ARHGAP39: variants seen among roughly 807,000 people sequenced by gnomAD.
ARHGAP39 encodes Rho GTPase activating protein 39.
Under a neutral mutation model 106.9 loss-of-function variants are expected in ARHGAP39, and 44 were observed. The ratio of observed to expected loss-of-function variants is 0.41; its 90% confidence interval spans 0.32 to 0.53. The LOEUF (loss-of-function observed/expected upper bound fraction) is 0.53, where lower values mean the gene tolerates loss of function less well. Ranked by LOEUF, ARHGAP39 falls within the 20% of genes least tolerant of loss-of-function variation. ARHGAP39 has a pLI of 0.21. For missense variants in ARHGAP39, 1,496 were observed against 1,577.3 expected (o/e 0.95, Z 0.87); for synonymous variants, 768 against 693.2 (o/e 1.11, Z -1.69).
At chr8:144,615,584 G>A (rs1820615674) in intron 1 of ARHGAP39, among the ~76,000 whole-genome samples, 2 of 152,212 alleles carry the variant, frequency 1.3e-5, no homozygotes. Flanking sequence ...GCCCATTGTG[G>A]ATTAAATCTT....
chr8:144,579,542 TTTGCCCCACCTC>T (rs1818891130), intron 3 of ARHGAP39, among the ~76,000 whole-genome samples: 1 of 152,066 alleles, frequency 6.6e-6, no homozygotes, highest in Non-Finnish European at 1.5e-5. Flanking sequence ...CCACACCTGA[TTTGCCCCACCTC>T]CTGCCCACTC....
At position 144,594,142 on chromosome 8, in the gene ARHGAP39, T is replaced by C. The variant is rs146274393; in HGVS notation, c.80+11393A>G. ...CCCCAGTTTAAAGATGGGCAAAATA[T>C]CTGGACAGACACATCTCCAAAGAAG... is the stretch of plus-strand genomic sequence containing the variant. On this transcript the variant is annotated intron_variant, in intron 2 of 11. Transcript: ENST00000377307. Among the ~76,000 whole-genome samples, 76 of 146,118 alleles carry C rather than the reference T, an allele frequency of 5.2e-4. 1 individual carries two copies. In the East Asian group the frequency reaches 0.011, roughly 21 times the overall value.
intron 7 of ARHGAP39, among the ~76,000 whole-genome samples, chr8:144,535,594 C>T (rs1198956872): frequency 9.9e-5 from 15 of 152,236 alleles, no homozygotes; most frequent in Non-Finnish European, 2.2e-4. Flanking sequence ...GCAGCTGGGA[C>T]ATGTAGTCAC....
At chr8:144,594,329 TAC>T (rs1819516703) in intron 2 of ARHGAP39, among the ~76,000 whole-genome samples, 2 of 152,190 alleles carry the variant, frequency 1.3e-5, no homozygotes, top group Admixed American at 6.5e-5. Flanking sequence ...GGAACCTTTA[TAC>T]ACTGCTGGTG....
Position 144,594,578 on chromosome 8 carries a change from T to C in ARHGAP39, c.80+10957A>G, listed in dbSNP as rs1445873636. On this transcript the variant is annotated intron_variant, in intron 2 of 11. Transcript: ENST00000377307. ...GTATGATGGTGGGCGCCTGTAATCC[T>C]AGCTACTCGGGAGGCTGAGGAAGGA... Among the ~76,000 whole-genome samples, 4 of 151,066 alleles carry C rather than the reference T, an allele frequency of 2.6e-5. No individual in the cohort carries two copies. In the East Asian group the frequency reaches 7.8e-4, roughly 29 times the overall value.
Position 144,647,024 on chromosome 8 carries a change from A to G in ARHGAP39, c.-82+38662T>C, listed in dbSNP as rs1236339257. On this transcript the variant is annotated intron_variant, in intron 1 of 11. Transcript: ENST00000377307. This position sits in a 1 kb window ranked among gnomAD's most constrained non-coding sequence, Gnocchi z 4.8. ...TCGCTTTATAGCCAGGCTGGAGTAC[A>G]ACGACACCATCTCGGCTCACTGCAA... Among the ~76,000 whole-genome samples, 3 of 147,966 alleles carry G rather than the reference A, an allele frequency of 2.0e-5. No individual in the cohort carries two copies. The highest frequency in any genetic ancestry group is 3.0e-5 in the Non-Finnish European group (2 of 67,422).
At chr8:144,588,303 G>A (rs773255710) in intron 2 of ARHGAP39, among the ~76,000 whole-genome samples, 5 of 152,266 alleles carry the variant, frequency 3.3e-5, no homozygotes, top group South Asian at 2.1e-4. Context: ...CAGGCTGTGC[G>A]CTGCATTGAG....
At chr8:144,580,796 G>GCCCACT (rs772495470) in intron 3 of ARHGAP39, 50 bp downstream of exon 3, 1 of 192,140 alleles carries the variant, frequency 5.2e-6, no homozygotes, top group Non-Finnish European at 7.2e-6. Context: ...ACCTGGCCCC[G>GCCCACT]CCCACTCCAT....
In ARHGAP39 at chr8:144,591,256, G is replaced by A. The variant is rs559809436; in HGVS notation, c.81-9979C>T. Among the ~76,000 whole-genome samples the A allele has an allele frequency of 6.6e-5, 10 of 152,342 alleles. 1 individual carries two copies. Among genetic ancestry groups the A allele is most frequent in the African/African-American group, 2.2e-4 (9 of 41,582 alleles). On this transcript the variant is annotated intron_variant, in intron 2 of 11. Coordinates refer to ENST00000377307, the MANE Select transcript of ARHGAP39 (RefSeq NM_025251.3). The surrounding 1 kb of genome is among the most constrained non-coding windows in gnomAD (Gnocchi z 5.3). ...GCTGCTCTGTGCTCCCGTGAGCACA[G>A]ACCTGCAGGGGAGGGTGGCGCGTGT...
At chr8:144,676,815 C>CCAGAGGCCAGAGGCCAGAG (rs1822255126) in intron 1 of ARHGAP39, among the ~76,000 whole-genome samples, 1 of 152,260 alleles carries the variant, frequency 6.6e-6, no homozygotes, top group Non-Finnish European at 1.5e-5. Flanking sequence ...GAGAGAGGCC[C>CCAGAGGCCAGAGGCCAGAG]CCACAGCGCA....
At chr8:144,649,414 C>A (rs890824469) in intron 1 of ARHGAP39, among the ~76,000 whole-genome samples, 1 of 152,100 alleles carries the variant, frequency 6.6e-6, no homozygotes, top group Non-Finnish European at 1.5e-5. Context: ...CGCGCCACTG[C>A]ACTCCAGCCT....
intron 1 of ARHGAP39, among the ~76,000 whole-genome samples, chr8:144,666,226 G>T (rs1458160754): frequency 6.6e-6 from 1 of 152,150 alleles, no homozygotes; most frequent in Non-Finnish European, 1.5e-5. Context: ...TACCCCCATT[G>T]TATCTTGGAA....
rs115294219 is a variant in ARHGAP39, at chr8:144,548,995, C to T, written c.597-506G>A. On this transcript the variant is annotated intron_variant, in intron 4 of 11. Coordinates refer to ENST00000377307, the MANE Select transcript of ARHGAP39 (RefSeq NM_025251.3). This position sits in a 1 kb window ranked among gnomAD's most constrained non-coding sequence, Gnocchi z 7.4. ...CTCCAGAAAGACTGACTGTCCTCCTCTGACCCTGCCCCAGTCACCACGCTC... is the reference window on the plus strand; with the variant it reads ...CTCCAGAAAGACTGACTGTCCTCCTTTGACCCTGCCCCAGTCACCACGCTC... 0.01 allele frequency among the ~76,000 whole-genome samples: 1,581 copies of T among 152,344 alleles called. 30 individuals are homozygous for T. The highest frequency in any genetic ancestry group is 0.036 in the African/African-American group (1,506 of 41,566).
intron 2 of ARHGAP39, among the ~76,000 whole-genome samples, chr8:144,602,504 G>T (rs537677643): frequency 7.1e-6 from 1 of 139,986 alleles, no homozygotes; most frequent in Admixed American, 7.3e-5. Context: ...ATGTATCTGT[G>T]TACATGGAGG....
the ARHGAP39 span, among the ~76,000 whole-genome samples, chr8:144,694,851 C>T: frequency 6.6e-6 from 1 of 152,244 alleles, no homozygotes; most frequent in South Asian, 2.1e-4. Context: ...CACTGCAAGT[C>T]TCATGGGTGG....
intron 1 of ARHGAP39, among the ~76,000 whole-genome samples, chr8:144,669,294 C>T (rs1403689607): frequency 0.015 from 2 of 134 alleles, no homozygotes; most frequent in East Asian, 0.17. Context: ...ATCACGAGGT[C>T]AGGAGATTTT....
chr8:144,552,676 T>C (rs539995460), intron 4 of ARHGAP39, among the ~76,000 whole-genome samples: 3 of 147,900 alleles, frequency 2.0e-5, no homozygotes, highest in African/African-American at 7.9e-5. Flanking sequence ...GCTGGTGAGA[T>C]TTTTTTTTCT....
chr8:144,683,080 C>G (rs1282482984), intron 1 of ARHGAP39: 1 of 151,676 alleles, frequency 6.6e-6, no homozygotes, highest in Non-Finnish European at 1.5e-5. Context: ...CTTTGGGAGG[C>G]CGAGGCGGGC....
Position 144,670,198 on chromosome 8 carries a change from G to A in ARHGAP39, c.-82+15488C>T, listed in dbSNP as rs1745316848. Among the ~76,000 whole-genome samples, 1 of 152,162 alleles carries A rather than the reference G, an allele frequency of 6.6e-6. No homozygotes were observed. On this transcript the variant is annotated intron_variant, in intron 1 of 11. Transcript: ENST00000377307. The surrounding 1 kb of genome is among the most constrained non-coding windows in gnomAD (Gnocchi z 4.4). ...GACCAGGCGGCTGTAAAAAGCAACA[G>A]AGCTCGGACGCATGCTAGAGCGTAC...
Sources: gnomAD v4.1 joint callset for allele counts (sites outside exome capture counted in the v4.1 genomes callset) on GRCh38, gnomAD v4.1.1 for gene constraint, Gnocchi (gnomAD v3.1) non-coding constraint, MANE v1.5 for transcripts, NCBI Gene and HGNC (gene_info 2026-07-23, HGNC 2026-07-21) for gene names.